The following NRG3 variants were observed in gnomAD, a reference collection of about 807,000 sequenced individuals.
NRG3 encodes pro-neuregulin-3, membrane-bound isoform.
NRG3 carries 31 observed loss-of-function variants against 66.9 expected under a neutral mutation model. The observed-to-expected ratio is 0.46, with a 90% CI of 0.35 to 0.63. NRG3 has a LOEUF of 0.63. Among genes scored for constraint, NRG3 ranks in the 20% least tolerant of loss-of-function variants. NRG3 has a pLI of 0.00. For missense variants in NRG3, 910 were observed against 878.9 expected, an observed-to-expected ratio of 1.04 and a Z score of -0.45; for synonymous variants, 393 against 359.4, an observed-to-expected ratio of 1.09 and a Z score of -1.06.
chr10:82,103,102 T>C (rs1564565633), intron 1 of NRG3, among the ~76,000 whole-genome samples: 1 of 152,168 alleles, frequency 6.6e-6, no homozygotes, highest in Non-Finnish European at 1.5e-5. Context: ...AAGAATATTT[T>C]TATTGGGCTT....
intron 1 of NRG3, among the ~76,000 whole-genome samples, chr10:81,913,340 C>T (rs983485964): frequency 6.6e-6 from 1 of 152,130 alleles, no homozygotes. Flanking sequence ...AGTGCTATTA[C>T]TGTCTTTTTA....
chr10:82,096,612 A>T (rs752881721), intron 1 of NRG3, among the ~76,000 whole-genome samples: 1 of 152,234 alleles, frequency 6.6e-6, no homozygotes, highest in African/African-American at 2.4e-5. Context: ...TGAACAAAAA[A>T]TATTGAAGAC....
At chr10:81,985,814 A>G (rs1260324484) in intron 1 of NRG3, among the ~76,000 whole-genome samples, 1 of 152,240 alleles carries the variant, frequency 6.6e-6, no homozygotes, top group African/African-American at 2.4e-5. Flanking sequence ...GTGGGTCACA[A>G]TTAGCCTTTG....
chr10:82,954,391 T>C (rs763062136), intron 5 of NRG3, among the ~76,000 whole-genome samples: 2 of 151,624 alleles, frequency 1.3e-5, no homozygotes, highest in African/African-American at 2.4e-5. Context: ...GAGATCAACA[T>C]CTCCTCCTGG....
intron 2 of NRG3, among the ~76,000 whole-genome samples, chr10:82,447,940 C>A (rs572704210): frequency 6.6e-6 from 1 of 152,312 alleles, no homozygotes; most frequent in Non-Finnish European, 1.5e-5. Flanking sequence ...GACCTCCTTT[C>A]ACTAGATACA....
rs2060802183 is a variant in NRG3, at chr10:81,993,074, A to AT, written c.823+116912dup. ...GTTACTATTTGAACGATAAGAAGTT[A>AT]TCTCTTCATTTAGAAGAGGTAACCT... On this transcript the variant is annotated intron_variant, in intron 1 of 8. Coordinates refer to ENST00000372141, the MANE Select transcript of NRG3 (RefSeq NM_001010848.4). Among the ~76,000 whole-genome samples the AT allele has an allele frequency of 2.6e-5, 4 of 152,308 alleles. 1 individual carries two copies. The South Asian group carries it at 8.3e-4, about 32-fold the overall frequency.
intron 1 of NRG3, among the ~76,000 whole-genome samples, chr10:82,006,451 A>G (rs2133733127): frequency 6.6e-6 from 1 of 152,216 alleles, no homozygotes; most frequent in African/African-American, 2.4e-5. Context: ...AAAAGGTTTC[A>G]GTATTAATAT....
At chr10:82,031,568 C>G (rs546931871) in intron 1 of NRG3, among the ~76,000 whole-genome samples, 2 of 152,024 alleles carry the variant, frequency 1.3e-5, no homozygotes, top group South Asian at 4.2e-4. Flanking sequence ...TAAAAAAATT[C>G]TTTTTTTAAC....
chr10:82,563,234 A>G (rs899099372), intron 2 of NRG3, among the ~76,000 whole-genome samples: 4 of 152,136 alleles, frequency 2.6e-5, no homozygotes, highest in Admixed American at 6.6e-5. Flanking sequence ...GACATTTCCT[A>G]TTCATTTTAC....
At chr10:81,925,960 A>G (rs535692607) in intron 1 of NRG3, among the ~76,000 whole-genome samples, 1 of 152,102 alleles carries the variant, frequency 6.6e-6, no homozygotes, top group East Asian at 1.9e-4. Flanking sequence ...CAGTGACTGT[A>G]AGAGAGGTAT....
At position 81,905,639 on chromosome 10, in the gene NRG3, T is replaced by A. The variant is rs556273409; in HGVS notation, c.823+29476T>A. 1.3e-4 allele frequency among the ~76,000 whole-genome samples: 20 copies of A among 152,376 alleles called. No homozygotes were observed. In the South Asian group the frequency reaches 4.1e-3, roughly 32 times the overall value. Reference sequence around the variant, plus strand: ...CTTGTACTTTTGTCATAATTTTTGGTTCCTTCTGGAAGTTAAGGCCGTTTC... The same window carrying A: ...CTTGTACTTTTGTCATAATTTTTGGATCCTTCTGGAAGTTAAGGCCGTTTC... On this transcript the variant is annotated intron_variant, in intron 1 of 8. Coordinates refer to ENST00000372141, the MANE Select transcript of NRG3 (RefSeq NM_001010848.4).
intron 1 of NRG3, among the ~76,000 whole-genome samples, chr10:82,230,623 C>T (rs1465624689): frequency 1.3e-5 from 2 of 151,598 alleles, no homozygotes. Flanking sequence ...AGAGGAATTA[C>T]AGCAAAAGAA....
intron 1 of NRG3, among the ~76,000 whole-genome samples, chr10:82,151,448 GA>G (rs1339921832): frequency 6.6e-6 from 1 of 152,104 alleles, no homozygotes; most frequent in Non-Finnish European, 1.5e-5. Flanking sequence ...AATCAGATGG[GA>G]GATGAGGATC....
intron 1 of NRG3, among the ~76,000 whole-genome samples, chr10:82,242,705 A>G (rs2077057582): frequency 6.6e-6 from 1 of 152,086 alleles, no homozygotes; most frequent in Non-Finnish European, 1.5e-5. Context: ...GTGGAGAGAG[A>G]GGGTGGGGGT....
intron 2 of NRG3, among the ~76,000 whole-genome samples, chr10:82,619,925 G>A (rs767142156): frequency 2.0e-5 from 3 of 152,146 alleles, no homozygotes; most frequent in Non-Finnish European, 4.4e-5. Flanking sequence ...ACCAATCTTG[G>A]CAGTTTGTTA....
intron 1 of NRG3, chr10:81,878,235 C>A: frequency 3.0e-6 from 2 of 656,984 alleles, no homozygotes; most frequent in Non-Finnish European, 5.1e-6. Flanking sequence ...TGTCAATGTT[C>A]ACATAGACAT....
At chr10:82,758,687 A>G (rs1459187963) in intron 3 of NRG3, among the ~76,000 whole-genome samples, 3 of 151,858 alleles carry the variant, frequency 2.0e-5, no homozygotes. Context: ...GTAGCTCTCC[A>G]TTTTCTGCCC....
At chr10:82,362,920 T>C (rs1233193368) in intron 2 of NRG3, among the ~76,000 whole-genome samples, 1 of 152,118 alleles carries the variant, frequency 6.6e-6, no homozygotes, top group Non-Finnish European at 1.5e-5. Flanking sequence ...AATAAACAAA[T>C]AAAGCCTAAG....
chr10:81,878,020 G>A (rs575183698), intron 1 of NRG3: 4 of 1,537,592 alleles, frequency 2.6e-6, no homozygotes, highest in East Asian at 2.4e-5. Context: ...GACTACACAC[G>A]GTAGGGGTAT....
Sources: allele counts gnomAD v4.1 joint callset (sites outside exome capture counted in the v4.1 genomes callset), GRCh38; gene constraint gnomAD v4.1.1; transcripts MANE v1.5; gene names NCBI Gene and HGNC (gene_info 2026-07-23, HGNC 2026-07-21).